ASNS: variants seen among roughly 807,000 people sequenced by gnomAD.
ASNS encodes asparagine synthetase [glutamine-hydrolyzing].
ASNS carries 37 observed loss-of-function variants against 62.6 expected under a neutral mutation model. That is an observed-to-expected ratio of 0.59 (90% CI 0.45 to 0.78). ASNS has a LOEUF of 0.78. ASNS is among the 30% of genes least tolerant of loss of function. The pLI is 0.00. For synonymous variants in ASNS, 207 were observed against 237.9 expected (o/e 0.87, Z 1.19); for missense variants, 520 against 682.4 (o/e 0.76, Z 2.65).
the ASNS span, among the ~76,000 whole-genome samples, chr7:97,884,521 C>T: frequency 6.6e-6 from 1 of 152,112 alleles, no homozygotes; most frequent in Non-Finnish European, 1.5e-5. Flanking sequence ...TCCACCCAAG[C>T]CTGGGCGTCA....
At chr7:97,867,362 T>C (rs1267385386) in intron 3 of ASNS, among the ~76,000 whole-genome samples, 1 of 152,204 alleles carries the variant, frequency 6.6e-6, no homozygotes, top group Non-Finnish European at 1.5e-5. Flanking sequence ...TTCTGCTCAT[T>C]AGACAGACTG....
At chr7:97,855,111 G>T in intron 9 of ASNS, 1 of 433,518 alleles carries the variant, frequency 2.3e-6, no homozygotes, top group Non-Finnish European at 4.1e-6. Context: ...CTCAGCAGCT[G>T]GGGGTATGAG....
the ASNS span, among the ~76,000 whole-genome samples, chr7:97,916,823 C>T: frequency 1.3e-5 from 2 of 152,152 alleles, no homozygotes; most frequent in Non-Finnish European, 2.9e-5. Flanking sequence ...GCTGGGCAGC[C>T]GAGCTCCAGA....
the ASNS span, among the ~76,000 whole-genome samples, chr7:97,890,574 G>C: frequency 1.3e-5 from 2 of 152,118 alleles, no homozygotes; most frequent in Admixed American, 6.5e-5. Flanking sequence ...ACTATATCCA[G>C]CAAAGCTATC....
chr7:97,854,702 C>T, intron 9 of ASNS, 22 bp from the exon 10 acceptor site: 1 of 1,613,802 alleles, frequency 6.2e-7, no homozygotes, highest in Non-Finnish European at 8.5e-7. Context: ...ACAAAAACAC[C>T]AAGAGTTTTG....
At chr7:97,895,999 A>AC in the ASNS span, among the ~76,000 whole-genome samples, 52 of 150,330 alleles carry the variant, frequency 3.5e-4, no homozygotes, top group Non-Finnish European at 5.6e-4. Context: ...AAAAAAAAAA[A>AC]AACAAAAAAC....
At chr7:97,856,416 G>A (rs550538910) in intron 8 of ASNS, among the ~76,000 whole-genome samples, 3 of 152,298 alleles carry the variant, frequency 2.0e-5, no homozygotes, top group East Asian at 3.9e-4. Flanking sequence ...GAAATGGGAG[G>A]TAGAGGGCAG....
chr7:97,919,308 G>T, the ASNS span, among the ~76,000 whole-genome samples: 1 of 152,086 alleles, frequency 6.6e-6, no homozygotes, highest in Non-Finnish European at 1.5e-5. Flanking sequence ...TAGAGACAGG[G>T]TTTCACTATT....
At chr7:97,899,014 G>A in the ASNS span, 2 of 709,234 alleles carry the variant, frequency 2.8e-6, no homozygotes, top group African/African-American at 3.5e-5. Flanking sequence ...GAACATAGGA[G>A]GTGCTTTCAC....
At chr7:97,919,929 ATCCAAGC>A in the ASNS span, among the ~76,000 whole-genome samples, 1 of 152,058 alleles carries the variant, frequency 6.6e-6, no homozygotes, top group South Asian at 2.1e-4. Flanking sequence ...GGAATTGGAA[ATCCAAGC>A]TTCCTCTTCT....
the ASNS span, among the ~76,000 whole-genome samples, chr7:97,904,032 G>A: frequency 2.0e-5 from 3 of 152,056 alleles, no homozygotes; most frequent in African/African-American, 7.2e-5. Flanking sequence ...GTCTCTTCAA[G>A]AGTCCATGGA....
At chr7:97,896,738 A>G in the ASNS span, among the ~76,000 whole-genome samples, 2 of 53,884 alleles carry the variant, frequency 3.7e-5, no homozygotes, top group Non-Finnish European at 7.4e-5. Flanking sequence ...ACACACACAC[A>G]CACATATATA....
chr7:97,880,964 G>A, the ASNS span, among the ~76,000 whole-genome samples: 1 of 152,000 alleles, frequency 6.6e-6, no homozygotes, highest in Non-Finnish European at 1.5e-5. Context: ...GTTTTGAGAT[G>A]GAATCTTGTT....
the ASNS span, among the ~76,000 whole-genome samples, chr7:97,913,929 T>C: frequency 6.7e-6 from 1 of 149,794 alleles, no homozygotes; most frequent in Admixed American, 6.7e-5. Context: ...GAGAAATGGA[T>C]AAGTGGGTGA....
chr7:97,921,599 C>T, the ASNS span, among the ~76,000 whole-genome samples: 1 of 152,162 alleles, frequency 6.6e-6, no homozygotes, highest in African/African-American at 2.4e-5. Flanking sequence ...ATGGAGAAGG[C>T]AAGCAGCCCC....
chr7:97,896,735 C>CATATAT, the ASNS span, among the ~76,000 whole-genome samples: 22 of 24,942 alleles, frequency 8.8e-4, no homozygotes, highest in Middle Eastern at 0.028. Flanking sequence ...CACACACACA[C>CATATAT]ACACACATAT....
the ASNS span, among the ~76,000 whole-genome samples, chr7:97,910,997 C>T: frequency 6.6e-6 from 1 of 152,076 alleles, no homozygotes; most frequent in African/African-American, 2.4e-5. Flanking sequence ...ATTATCTTTG[C>T]TCAAAGAAAA....
the ASNS span, among the ~76,000 whole-genome samples, chr7:97,920,165 G>A: frequency 6.6e-6 from 1 of 152,064 alleles, no homozygotes; most frequent in Non-Finnish European, 1.5e-5. Flanking sequence ...CACCATGGCC[G>A]GCTAATTATT....
In ASNS at chr7:97,856,769, A is replaced by G; in HGVS notation, c.951T>C (p.Ser317=). 1 of 1,613,172 alleles carries G rather than the reference A, an allele frequency of 6.2e-7. No individual in the cohort carries two copies. Among genetic ancestry groups the G allele is most frequent in the Non-Finnish European group, 8.5e-7 (1 of 1,179,276 alleles). Residue 317 remains serine (S), a synonymous_variant, in exon 8 of 13, where the codon TCT becomes TCC. Transcript: ENST00000394308. ...CATCCAGAGCCTGAATGCCTTCCTC[A>G]GAGTTAAAAAGGACTTCATAATGTT... is the stretch of plus-strand genomic sequence containing the variant. ...GSEHYEVLFN[S]EEGIQALDEV...
Sources: gnomAD v4.1 joint callset for allele counts (sites outside exome capture counted in the v4.1 genomes callset) on GRCh38, gnomAD v4.1.1 for gene constraint, MANE v1.5 for transcripts, NCBI Gene and HGNC (gene_info 2026-07-23, HGNC 2026-07-21) for gene names.